FGD4: variants seen among roughly 807,000 people sequenced by gnomAD.
The protein encoded by FGD4 is FYVE, RhoGEF and PH domain-containing protein 4.
A neutral mutation model predicts 102.0 loss-of-function variants in FGD4; 42 were observed. The ratio of observed to expected loss-of-function variants is 0.41; its 90% CI spans 0.32 to 0.53. The LOEUF (loss-of-function observed/expected upper bound fraction) is 0.53, where lower values mean the gene tolerates loss of function less well. Among genes scored for constraint, FGD4 ranks in the 20% least tolerant of loss-of-function variants. FGD4 has a pLI of 0.21. For missense variants in FGD4, 902 were observed against 1,078.2 expected (o/e 0.84, Z 2.29); for synonymous variants, 380 against 375.7 (o/e 1.01, Z -0.13).
intron 1 of FGD4, among the ~76,000 whole-genome samples, chr12:32,401,920 T>G (rs1452428846): frequency 2.0e-5 from 3 of 147,008 alleles, no homozygotes; most frequent in Non-Finnish European, 4.5e-5. Flanking sequence ...TTTTTTTTTT[T>G]GAGACGGAGT....
At chr12:32,549,177 T>C (rs1943460058) in intron 1 of FGD4, among the ~76,000 whole-genome samples, 1 of 152,208 alleles carries the variant, frequency 6.6e-6, no homozygotes, top group South Asian at 2.1e-4. Flanking sequence ...ATTGTAAGTG[T>C]ACAAGATGAA....
chr12:32,487,466 G>A (rs1943945606), intron 1 of FGD4, among the ~76,000 whole-genome samples: 1 of 152,106 alleles, frequency 6.6e-6, no homozygotes, highest in Non-Finnish European at 1.5e-5. Flanking sequence ...GTCTCACTCA[G>A]CTTGTTGCCC....
chr12:32,606,794 T>C (rs1209995748), intron 7 of FGD4, among the ~76,000 whole-genome samples: 1 of 152,224 alleles, frequency 6.6e-6, no homozygotes. Context: ...TTTTTTCATC[T>C]CTTTTGTTAA....
intron 4 of FGD4, among the ~76,000 whole-genome samples, chr12:32,591,103 G>A (rs1389477187): frequency 6.6e-6 from 1 of 152,044 alleles, no homozygotes; most frequent in Non-Finnish European, 1.5e-5. Context: ...TTCTTTACCA[G>A]AGAATGGGCT....
At chr12:32,638,543 TC>T (rs1950979032) in intron 15 of FGD4, 111 bp from the exon 16 acceptor site, 1 of 1,396,118 alleles carries the variant, frequency 7.2e-7, no homozygotes, top group East Asian at 2.4e-5. Flanking sequence ...TGCAAATGAA[TC>T]TTTTTTGGAT....
intron 1 of FGD4, among the ~76,000 whole-genome samples, chr12:32,526,630 G>C (rs1289124857): frequency 6.6e-6 from 1 of 152,212 alleles, no homozygotes; most frequent in African/African-American, 2.4e-5. Flanking sequence ...TTGGCAACCT[G>C]CTCAGGTCCC....
At chr12:32,419,479 T>G (rs1474876510) in intron 1 of FGD4, among the ~76,000 whole-genome samples, 1 of 151,582 alleles carries the variant, frequency 6.6e-6, no homozygotes, top group African/African-American at 2.4e-5. Flanking sequence ...GCATTCTCCC[T>G]CTACTAAATG....
intron 1 of FGD4, among the ~76,000 whole-genome samples, chr12:32,463,877 T>A (rs1021992375): frequency 2.6e-5 from 4 of 152,230 alleles, no homozygotes; most frequent in Non-Finnish European, 5.9e-5. Flanking sequence ...ATTTATTTGC[T>A]ATTTATTTGC....
chr12:32,540,569 T>C (rs553092006), intron 1 of FGD4, among the ~76,000 whole-genome samples: 274 of 149,862 alleles, frequency 1.8e-3, no homozygotes, highest in Non-Finnish European at 3.1e-3. Context: ...TTCTTTTCTT[T>C]TTTTTTTTTT....
chr12:32,536,083 GT>G (rs577504306), intron 1 of FGD4, among the ~76,000 whole-genome samples: 2,692 of 145,548 alleles, frequency 0.018, 73 homozygotes, highest in African/African-American at 0.062. Context: ...TTTTATAACA[GT>G]TTTTTTTTTT....
chr12:32,473,223 C>T (rs1363224968), intron 1 of FGD4, among the ~76,000 whole-genome samples: 6 of 152,072 alleles, frequency 3.9e-5, no homozygotes, highest in African/African-American at 1.4e-4. Flanking sequence ...TAAAAGCAGG[C>T]TGCCCGAGCC....
At chr12:32,561,073 T>G (rs1427617396) in intron 1 of FGD4, among the ~76,000 whole-genome samples, 1 of 97,064 alleles carries the variant, frequency 1.0e-5, no homozygotes, top group African/African-American at 4.2e-5. Flanking sequence ...TTGTTGGGTT[T>G]TGTTTTTTTT....
At chr12:32,639,407 G>A (rs965229276) in intron 16 of FGD4, among the ~76,000 whole-genome samples, 3 of 152,190 alleles carry the variant, frequency 2.0e-5, no homozygotes, top group East Asian at 1.9e-4. Context: ...CAGGTGATCC[G>A]CCCACCTCGG....
chr12:32,491,812 A>G (rs769183949), intron 1 of FGD4, among the ~76,000 whole-genome samples: 13 of 152,154 alleles, frequency 8.5e-5, no homozygotes, highest in Non-Finnish European at 1.8e-4. Context: ...AGCAATGGCA[A>G]TTTGTTATTT....
At position 32,582,385 on chromosome 12, in the gene FGD4, A is replaced by G; in HGVS notation, c.929A>G (p.Glu310Gly). 1.2e-6 allele frequency: 2 copies of G among 1,614,128 alleles called. No homozygotes were observed. The highest frequency in any genetic ancestry group is 1.7e-6 in the Non-Finnish European group (2 of 1,180,018). Residue 310 changes from glutamate (E) to glycine (G), a missense_variant, in exon 4 of 17, where the codon GAA (glutamate) becomes GGA (glycine). Coordinates refer to ENST00000534526, the MANE Select transcript of FGD4 (RefSeq NM_001370298.3). ...CTCCCCCTAGAAGAAAGAGGGGCAG[A>G]AACAGAAACCAAGGTACAAGAGAGG... The part of the protein sequence containing the change: ...PVLPLEERGA[E>G]TETKVQEREN...
intron 1 of FGD4, among the ~76,000 whole-genome samples, chr12:32,517,127 T>G (rs1272207780): frequency 6.6e-6 from 1 of 152,220 alleles, no homozygotes; most frequent in Non-Finnish European, 1.5e-5. Context: ...TGCCAGAGTA[T>G]AATTATAAAA....
intron 10 of FGD4, among the ~76,000 whole-genome samples, chr12:32,616,961 G>T (rs1050759660): frequency 6.6e-6 from 1 of 151,642 alleles, no homozygotes; most frequent in African/African-American, 2.4e-5. Flanking sequence ...ATCATAACAT[G>T]CAGAAGGCAG....
At position 32,526,241 on chromosome 12, in the gene FGD4, ACT is replaced by A. The variant is rs1389418576; in HGVS notation, c.167-37893_167-37892del. Among the ~76,000 whole-genome samples, 121 of 152,218 alleles carry A rather than the reference ACT, an allele frequency of 7.9e-4. 2 individuals are homozygous for A. Among genetic ancestry groups the A allele is most frequent in the African/African-American group, 2.6e-3 (108 of 41,538 alleles). On this transcript the variant is annotated intron_variant, in intron 1 of 16. Transcript: ENST00000534526. ...AAGGTTTGTGAGCGCACCAGTCGAC[ACT>A]CTGTATCTAGCTGCTCTGGTGAGGA...
chr12:32,407,476 G>T (rs1386950526), intron 1 of FGD4, among the ~76,000 whole-genome samples: 3 of 152,182 alleles, frequency 2.0e-5, no homozygotes, highest in Non-Finnish European at 4.4e-5. Flanking sequence ...GTACAACCAG[G>T]TTTATAAGCT....
Sources: allele counts gnomAD v4.1 joint callset (sites outside exome capture counted in the v4.1 genomes callset), GRCh38; gene constraint gnomAD v4.1.1; transcripts MANE v1.5; gene names NCBI Gene and HGNC (gene_info 2026-07-23, HGNC 2026-07-21).